The following PALM2AKAP2 variants were observed in gnomAD, a reference collection of about 807,000 sequenced individuals.
PALM2AKAP2 encodes PALM2 and AKAP2 fusion.
In PALM2AKAP2, 37 loss-of-function variants were observed where a neutral mutation model predicts 71.5. The ratio of observed to expected loss-of-function variants is 0.52; its 90% confidence interval spans 0.40 to 0.68. PALM2AKAP2 has a LOEUF of 0.68. PALM2AKAP2 is among the 30% of genes least tolerant of loss of function. The pLI, the probability that PALM2AKAP2 is intolerant of heterozygous loss-of-function variation, is 0.00. For synonymous variants in PALM2AKAP2, 468 were observed against 478.8 expected (o/e 0.98, Z 0.29); for missense variants, 1,224 against 1,191.8 (o/e 1.03, Z -0.40).
chr9:109,716,009 G>C (rs1828314467), intron 1 of PALM2AKAP2, among the ~76,000 whole-genome samples: 1 of 152,144 alleles, frequency 6.6e-6, no homozygotes, highest in Non-Finnish European at 1.5e-5. Flanking sequence ...CTGCAGCTGG[G>C]AAATCATAGA....
intron 1 of PALM2AKAP2, among the ~76,000 whole-genome samples, chr9:110,135,164 A>AAAATATATATATATATATATATATAT: frequency 1.9e-5 from 1 of 51,728 alleles, no homozygotes. Context: ...AAAAAAAAAA[A>AAAATATATATATATATATATATATAT]ATATATAAAT....
intron 1 of PALM2AKAP2, among the ~76,000 whole-genome samples, chr9:109,774,160 G>A (rs923005597): frequency 6.6e-6 from 1 of 152,198 alleles, no homozygotes; most frequent in Admixed American, 6.5e-5. Context: ...CTACCAAAAG[G>A]GATTCCAAGC....
intron 1 of PALM2AKAP2, among the ~76,000 whole-genome samples, chr9:109,808,445 T>C (rs1394343371): frequency 1.3e-5 from 2 of 152,218 alleles, no homozygotes; most frequent in Non-Finnish European, 2.9e-5. Context: ...TTTTGGGGCA[T>C]CTGGCAGAAG....
At chr9:110,014,689 C>G (rs1832940642) in intron 6 of PALM2AKAP2, among the ~76,000 whole-genome samples, 1 of 148,530 alleles carries the variant, frequency 6.7e-6, no homozygotes, top group Non-Finnish European at 1.5e-5. Context: ...CAGAGAATCA[C>G]TTGAACCTGG....
At chr9:110,006,313 C>CT (rs1423846388) in intron 6 of PALM2AKAP2, among the ~76,000 whole-genome samples, 8 of 105,728 alleles carry the variant, frequency 7.6e-5, no homozygotes, top group African/African-American at 3.0e-4. Flanking sequence ...CCTCCCTTTC[C>CT]TTCCTTCCTT....
At chr9:109,943,494 C>T in intron 6 of PALM2AKAP2, 1 of 1,509,668 alleles carries the variant, frequency 6.6e-7, no homozygotes, top group Non-Finnish European at 8.8e-7. Flanking sequence ...CTCACTGTAC[C>T]ACTAACTGCA....
At chr9:109,684,065 G>A (rs1827775746) in intron 1 of PALM2AKAP2, among the ~76,000 whole-genome samples, 1 of 152,046 alleles carries the variant, frequency 6.6e-6, no homozygotes, top group Non-Finnish European at 1.5e-5. Context: ...AGCCTCTTTT[G>A]CTTGCTTCTT....
intron 1 of PALM2AKAP2, among the ~76,000 whole-genome samples, chr9:110,091,871 A>G (rs1239305649): frequency 6.6e-6 from 1 of 152,210 alleles, no homozygotes. Context: ...CACAATCAAG[A>G]TAAAGAACAG....
At chr9:110,091,089 C>T (rs1179801807) in intron 1 of PALM2AKAP2, among the ~76,000 whole-genome samples, 1 of 152,024 alleles carries the variant, frequency 6.6e-6, no homozygotes, top group African/African-American at 2.4e-5. Flanking sequence ...TAGTCGGGCA[C>T]TTGGCACTTT....
chr9:109,768,356 A>T (rs11288793), intron 1 of PALM2AKAP2, among the ~76,000 whole-genome samples: 30,585 of 131,054 alleles, frequency 0.23, 5,319 homozygotes, highest in African/African-American at 0.48. Flanking sequence ...TCAAATGCAT[A>T]TTTTTTATTC....
At chr9:109,739,922 C>T (rs918531869) in intron 1 of PALM2AKAP2, among the ~76,000 whole-genome samples, 1 of 152,194 alleles carries the variant, frequency 6.6e-6, no homozygotes, top group African/African-American at 2.4e-5. Context: ...TTTGTGACTT[C>T]TCATCTTAAG....
At chr9:109,964,248 T>A (rs890851626) in intron 6 of PALM2AKAP2, among the ~76,000 whole-genome samples, 19 of 152,262 alleles carry the variant, frequency 1.2e-4, no homozygotes, top group African/African-American at 4.3e-4. Flanking sequence ...CAGAGCTGTG[T>A]CTCTCATGGA....
At chr9:109,684,218 C>T (rs1298078570) in intron 1 of PALM2AKAP2, among the ~76,000 whole-genome samples, 1 of 152,186 alleles carries the variant, frequency 6.6e-6, no homozygotes, top group Non-Finnish European at 1.5e-5. Context: ...AGTGGGTTCT[C>T]ATGGCCCCAA....
intron 1 of PALM2AKAP2, among the ~76,000 whole-genome samples, chr9:110,066,700 T>TAA (rs569725110): frequency 9.9e-5 from 14 of 141,526 alleles, no homozygotes; most frequent in Admixed American, 3.5e-4. Flanking sequence ...CATTGTCTCT[T>TAA]AAAAAAAAAA....
intron 1 of PALM2AKAP2, among the ~76,000 whole-genome samples, chr9:109,721,756 T>C (rs1181788612): frequency 6.6e-6 from 1 of 152,230 alleles, no homozygotes; most frequent in Admixed American, 6.5e-5. Context: ...TACATGGCAG[T>C]GGAGATTGGA....
At chr9:109,746,593 C>T (rs1828805733) in intron 1 of PALM2AKAP2, among the ~76,000 whole-genome samples, 1 of 152,098 alleles carries the variant, frequency 6.6e-6, no homozygotes, top group Non-Finnish European at 1.5e-5. Flanking sequence ...GAAGTGTCCT[C>T]ACACTCAGAG....
At chr9:109,686,137 C>T (rs1035310585) in intron 1 of PALM2AKAP2, among the ~76,000 whole-genome samples, 16 of 152,182 alleles carry the variant, frequency 1.1e-4, no homozygotes, top group South Asian at 2.1e-4. Flanking sequence ...ACCACATCTG[C>T]AGTTACTTCC....
At chr9:109,837,216 C>A (rs1828506282) in intron 1 of PALM2AKAP2, among the ~76,000 whole-genome samples, 1 of 152,068 alleles carries the variant, frequency 6.6e-6, no homozygotes. Context: ...AGAGTGGGGG[C>A]CAATATTCAA....
chr9:109,852,643 C>A (rs1250728072), intron 1 of PALM2AKAP2, among the ~76,000 whole-genome samples: 2 of 152,262 alleles, frequency 1.3e-5, no homozygotes, highest in East Asian at 3.9e-4. Context: ...AATTTGCACT[C>A]CCAAAAACAG....
Sources: allele counts gnomAD v4.1 joint callset (sites outside exome capture counted in the v4.1 genomes callset), GRCh38; gene constraint gnomAD v4.1.1; transcripts MANE v1.5; gene names NCBI Gene and HGNC (gene_info 2026-07-23, HGNC 2026-07-21).